Variants in CEP43 observed in about 807,000 individuals in gnomAD.
CEP43 encodes the protein centrosomal protein 43, also known as FGFR1 oncogene partner.
CEP43 carries 36 observed loss-of-function variants against 52.6 expected under a neutral mutation model. The observed-to-expected ratio is 0.68, with a 90% CI of 0.52 to 0.90. The LOEUF is 0.90. CEP43 is among the 40% of genes least tolerant of loss of function. The pLI is 0.00. For missense variants in CEP43, 506 were observed against 472.8 expected (o/e 1.07, Z -0.65); for synonymous variants, 192 against 172.4 (o/e 1.11, Z -0.89).
At position 167,042,985 on chromosome 6, in the gene CEP43, G is replaced by C. The variant is rs1780730819; in HGVS notation, c.*3007G>C. 6.6e-6 allele frequency: 1 copy of C among 152,284 alleles called. No homozygotes were observed. The highest frequency in any genetic ancestry group is 2.1e-4 in the South Asian group (1 of 4,828). 9.4% of individuals were successfully genotyped at this position (152,284 alleles called of 1,614,324 possible). A position where few individuals can be genotyped will look rare whatever the true frequency, so the allele number is the denominator to read the frequency against. ...TGGGGCCTGGAGAATGTGGTTTCTGGCTAGGCAGCTGGAACAATCTACAAA... is the reference window on the plus strand; with the variant it reads ...TGGGGCCTGGAGAATGTGGTTTCTGCCTAGGCAGCTGGAACAATCTACAAA... On this transcript the variant is annotated 3_prime_UTR_variant, in exon 13 of 13. Transcript: ENST00000366847.
At chr6:167,004,532 G>A in intron 5 of CEP43, 131 bp downstream of exon 5, 1 of 670,944 alleles carries the variant, frequency 1.5e-6, no homozygotes, top group Non-Finnish European at 2.3e-6. Context: ...AAAATGAGAT[G>A]CATTCAGATT....
In CEP43 at chr6:167,046,227, A is replaced by T. The variant is rs1433360470; in HGVS notation, c.*6249A>T. On this transcript the variant is annotated 3_prime_UTR_variant, in exon 13 of 13. Transcript: ENST00000366847. ...CCAATATTTTTATTTGTCATGATTT[A>T]TTGCAGGGTTCACTTATTTGATCTA... 1 of 152,140 alleles carries T rather than the reference A, an allele frequency of 6.6e-6. No individual in the cohort carries two copies. The highest frequency in any genetic ancestry group is 1.5e-5 in the Non-Finnish European group (1 of 68,030). The allele number at this position is 152,140 out of a possible 1,614,324, so 9.4% of individuals were successfully genotyped here.
chr6:167,014,177 T>G (rs1266021461), intron 7 of CEP43, among the ~76,000 whole-genome samples: 2 of 152,234 alleles, frequency 1.3e-5, no homozygotes, highest in Non-Finnish European at 2.9e-5. Context: ...ATTGTGATTT[T>G]TATTTGAGGA....
rs767741928 is a variant in CEP43 at position 167,052,630 on chromosome 6, G to A, written c.*12652G>A. On this transcript the variant is annotated 3_prime_UTR_variant, in exon 13 of 13. Coordinates refer to ENST00000366847, the MANE Select transcript of CEP43 (RefSeq NM_007045.4). ...TAGTTTTCATGACAGACTTCATTGC[G>A]ATAGTCAAATACTGTTCCACTTACT... is the stretch of plus-strand genomic sequence containing the variant. 2 of 152,190 alleles carry A rather than the reference G, an allele frequency of 1.3e-5. No individual in the cohort carries two copies. The highest frequency in any genetic ancestry group is 4.8e-5 in the African/African-American group (2 of 41,456). 9.4% of individuals were successfully genotyped at this position (152,190 alleles called of 1,614,324 possible).
chr6:167,036,107 A>C, intron 12 of CEP43: 1 of 985,420 alleles, frequency 1.0e-6, no homozygotes, highest in Non-Finnish European at 1.2e-6. Flanking sequence ...CCATGTACAC[A>C]AACATAGGAA....
chr6:167,027,602 A>G (rs183806347), intron 10 of CEP43, among the ~76,000 whole-genome samples: 12 of 152,328 alleles, frequency 7.9e-5, no homozygotes, highest in African/African-American at 2.9e-4. Flanking sequence ...CTGGAGAGAC[A>G]TTCTGGATAG....
chr6:167,022,328 C>T (rs1041274377), intron 7 of CEP43, 81 bp from the exon 8 acceptor site: 4 of 968,658 alleles, frequency 4.1e-6, no homozygotes, highest in Non-Finnish European at 6.2e-6. Context: ...TGATTATGCT[C>T]ATGAGACTTC....
intron 5 of CEP43, among the ~76,000 whole-genome samples, chr6:167,009,402 C>T (rs752757409): frequency 7.7e-5 from 11 of 142,844 alleles, no homozygotes; most frequent in Admixed American, 2.9e-4. Context: ...CCCAGCTACT[C>T]GGGAGGGCGA....
intron 6 of CEP43, 83 bp downstream of exon 6, chr6:167,010,976 A>G (rs958571457): frequency 5.4e-6 from 4 of 735,370 alleles, no homozygotes; most frequent in Non-Finnish European, 6.5e-6. Context: ...CTTTCTTGTT[A>G]CAAGTTGTAT....
intron 7 of CEP43, 30 bp downstream of exon 7, chr6:167,013,597 C>G (rs752346273): frequency 2.5e-6 from 4 of 1,599,066 alleles, no homozygotes; most frequent in African/African-American, 2.7e-5. Context: ...AGGAGAAAAG[C>G]AGCCTGTGGG....
In CEP43 at chr6:167,016,425, T is replaced by A. The variant is rs1294001370; in HGVS notation, c.579+2858T>A. On this transcript the variant is annotated intron_variant, in intron 7 of 12. Transcript: ENST00000366847. Reference sequence around the variant, plus strand: ...ATGCCAGCACAGCTGGCTAATTTTTTAAAAAATGTTTTCATGTAGAGGCAG... The same window carrying A: ...ATGCCAGCACAGCTGGCTAATTTTTAAAAAAATGTTTTCATGTAGAGGCAG... 2.0e-5 allele frequency among the ~76,000 whole-genome samples: 3 copies of A among 152,150 alleles called. No homozygotes were observed. In the East Asian group the frequency reaches 5.8e-4, roughly 29 times the overall value.
chr6:167,004,107 G>A (rs1360771721), intron 4 of CEP43, 157 bp from the exon 5 acceptor site: 1 of 791,374 alleles, frequency 1.3e-6, no homozygotes. Context: ...CTCTGTAAAA[G>A]AAATAGGCAT....
At position 167,033,476 on chromosome 6, in the gene CEP43, G is replaced by A. The variant is rs577538722; in HGVS notation, c.1029-399G>A. Among the ~76,000 whole-genome samples, 19 of 152,196 alleles carry A rather than the reference G, an allele frequency of 1.2e-4. No homozygotes were observed. In the Middle Eastern group the frequency reaches 0.01, roughly 82 times the overall value. ...GTAATATTTGTTGTGGATATGATTC[G>A]AAATTTTAAATTAGATGCCTGAGAA... On this transcript the variant is annotated intron_variant, in intron 11 of 12. Coordinates refer to ENST00000366847, the MANE Select transcript of CEP43 (RefSeq NM_007045.4).
chr6:167,044,666 C>G lies in CEP43; in HGVS notation c.*4688C>G. On this transcript the variant is annotated 3_prime_UTR_variant, in exon 13 of 13. Transcript: ENST00000366847. ...TTGCTGCCCTTAGAAAATGAACCCC[C>G]GAACAAGGTAAGGTCGAGCTGGCCC... 1.6e-6 allele frequency: 1 copy of G among 613,064 alleles called. No individual in the cohort carries two copies. 38.0% of individuals were successfully genotyped at this position (613,064 alleles called of 1,614,324 possible). A position where few individuals can be genotyped will look rare whatever the true frequency, so the allele number is the denominator to read the frequency against.
Position 167,041,899 on chromosome 6 carries a change from C to G in CEP43, c.*1921C>G, listed in dbSNP as rs903516415. 2 of 719,016 alleles carry G rather than the reference C, an allele frequency of 2.8e-6. No homozygotes were observed. Among genetic ancestry groups the G allele is most frequent in the Non-Finnish European group, 3.4e-6 (2 of 579,716 alleles). The allele number at this position is 719,016 out of a possible 1,614,324, so 44.5% of individuals were successfully genotyped here. A position where few individuals can be genotyped will look rare whatever the true frequency, so the allele number is the denominator to read the frequency against. On this transcript the variant is annotated 3_prime_UTR_variant, in exon 13 of 13. Transcript: ENST00000366847. ...AGTACAGTGATGCGATCTCGGCTCA[C>G]TGCAACCTCCGCCTCCTGGGTTCAA...
chr6:167,032,793 T>C, intron 11 of CEP43, 151 bp downstream of exon 11: 1 of 682,988 alleles, frequency 1.5e-6, no homozygotes, highest in Admixed American at 3.5e-5. Flanking sequence ...AGATAGTTAA[T>C]CCAAAATTAA....
chr6:166,999,746 C>A, intron 1 of CEP43: 1 of 508,096 alleles, frequency 2.0e-6, no homozygotes, highest in East Asian at 3.4e-5. Context: ...TGGCCCATCC[C>A]CTGCCTCATT....
At chr6:167,011,079 G>C (rs1291665710) in intron 6 of CEP43, among the ~76,000 whole-genome samples, 186 bp downstream of exon 6, 2 of 152,030 alleles carry the variant, frequency 1.3e-5, no homozygotes, top group Non-Finnish European at 2.9e-5. Context: ...TTTGTTGGTA[G>C]TTGTTTGACA....
chr6:167,044,894 G>A lies in CEP43; in HGVS notation c.*4916G>A, dbSNP rs1307446503. 6.6e-6 allele frequency: 1 copy of A among 152,514 alleles called. No homozygotes were observed. Among genetic ancestry groups the A allele is most frequent in the Non-Finnish European group, 1.5e-5 (1 of 68,284 alleles). 9.4% of individuals were successfully genotyped at this position (152,514 alleles called of 1,614,324 possible). ...CCAGACCGGCTTCCCAAGAACCGGG[G>A]AAGAGGAGAGGGCATGCCTGGGGCC... On this transcript the variant is annotated 3_prime_UTR_variant, in exon 13 of 13. Coordinates refer to ENST00000366847, the MANE Select transcript of CEP43 (RefSeq NM_007045.4).
Sources: allele counts gnomAD v4.1 joint callset (sites outside exome capture counted in the v4.1 genomes callset), GRCh38; gene constraint gnomAD v4.1.1; transcripts MANE v1.5; gene names NCBI Gene and HGNC (gene_info 2026-07-23, HGNC 2026-07-21).